Variants in ADGRL2 observed in about 807,000 individuals in gnomAD.
The protein encoded by ADGRL2 is adhesion G protein-coupled receptor L2.
In ADGRL2, 44 loss-of-function variants were observed where a neutral mutation model predicts 157.4. That is an observed-to-expected ratio of 0.28 (90% CI 0.22 to 0.36). The LOEUF is 0.36. Ranked by LOEUF, ADGRL2 falls within the 10% of genes least tolerant of loss-of-function variation. ADGRL2 has a pLI of 1.00. For synonymous variants in ADGRL2, 585 were observed against 624.7 expected, an observed-to-expected ratio of 0.94 and a Z score of 0.95; for missense variants, 1,510 against 1,768.9, an observed-to-expected ratio of 0.85 and a Z score of 2.63.
rs549629463 is a variant in ADGRL2, at chr1:81,384,989, C to A, written c.-301-60047C>A. Among the ~76,000 whole-genome samples the A allele has an allele frequency of 9.2e-5, 14 of 152,272 alleles. No individual in the cohort carries two copies. In the East Asian group the frequency reaches 2.3e-3, roughly 25 times the overall value. On this transcript the variant is annotated intron_variant, in intron 1 of 24. Coordinates refer to the ADGRL2 transcript ENST00000370721. The stretch of plus-strand genomic sequence containing the variant: ...TTTGAACACCATTACCTAATTGCCA[C>A]CATAACCTTCACAGTTGTCCAACCA...
At chr1:81,532,478 GAAT>G (rs762615477) in intron 2 of ADGRL2, among the ~76,000 whole-genome samples, 9 of 151,252 alleles carry the variant, frequency 6.0e-5, no homozygotes, top group Non-Finnish European at 1.3e-4. Flanking sequence ...AAGCTTTTAT[GAAT>G]AATATCTGAG....
intron 2 of ADGRL2, among the ~76,000 whole-genome samples, chr1:81,880,045 A>G: frequency 6.6e-6 from 1 of 152,204 alleles, no homozygotes; most frequent in South Asian, 2.1e-4. Context: ...TAAATAAATA[A>G]GTTGTATTTT....
At chr1:81,940,283 G>C (rs555245046) in intron 4 of ADGRL2, among the ~76,000 whole-genome samples, 3 of 151,402 alleles carry the variant, frequency 2.0e-5, no homozygotes, top group Non-Finnish European at 4.4e-5. Flanking sequence ...ATAAATTGTA[G>C]TTTGAGTAGT....
intron 1 of ADGRL2, among the ~76,000 whole-genome samples, chr1:81,358,193 G>A (rs1663454597): frequency 6.6e-6 from 1 of 152,210 alleles, no homozygotes; most frequent in African/African-American, 2.4e-5. Flanking sequence ...GTAGATTTTA[G>A]ACTTTTTAAA....
chr1:81,530,154 G>A, intron 2 of ADGRL2, among the ~76,000 whole-genome samples: 1 of 152,066 alleles, frequency 6.6e-6, no homozygotes, highest in East Asian at 1.9e-4. Flanking sequence ...CTAGCACCTG[G>A]TAGTGACAGG....
intron 2 of ADGRL2, among the ~76,000 whole-genome samples, chr1:81,847,034 T>C (rs1225284896): frequency 6.6e-6 from 1 of 151,438 alleles, no homozygotes; most frequent in Non-Finnish European, 1.5e-5. Context: ...TTGGTAGATA[T>C]GTTGAATACC....
At chr1:81,696,895 T>C (rs2083457951), upstream of ADGRL2, among the ~76,000 whole-genome samples, 1 of 152,090 alleles carries the variant, frequency 6.6e-6, no homozygotes, top group Non-Finnish European at 1.5e-5. Flanking sequence ...CTGTAGACAA[T>C]CATTAAAATA....
At chr1:81,519,506 A>G (rs2079260932) in intron 2 of ADGRL2, among the ~76,000 whole-genome samples, 1 of 152,252 alleles carries the variant, frequency 6.6e-6, no homozygotes, top group South Asian at 2.1e-4. Flanking sequence ...TTAAAGTTAT[A>G]TATAATAGCC....
At chr1:81,767,417 G>A (rs1172010022) in intron 2 of ADGRL2, among the ~76,000 whole-genome samples, 1 of 152,082 alleles carries the variant, frequency 6.6e-6, no homozygotes, top group Non-Finnish European at 1.5e-5. Flanking sequence ...GGCAATATCT[G>A]CAAACATTTT....
rs548206430 is a variant in ADGRL2 at position 81,477,511 on chromosome 1, A to G, written c.-248+32422A>G. 9.8e-5 allele frequency among the ~76,000 whole-genome samples: 15 copies of G among 152,348 alleles called. No individual in the cohort carries two copies. The South Asian group carries it at 2.9e-3, about 29-fold the overall frequency. The stretch of plus-strand genomic sequence containing the variant: ...AAGAAACAAGTTTCCTGGCAAAGTG[A>G]CGGCTTCCAACACAGGACAGTTGCA... On this transcript the variant is annotated intron_variant, in intron 2 of 24. Coordinates refer to the ADGRL2 transcript ENST00000370721.
At chr1:81,423,131 T>C (rs919300437) in intron 1 of ADGRL2, among the ~76,000 whole-genome samples, 3 of 152,212 alleles carry the variant, frequency 2.0e-5, no homozygotes, top group African/African-American at 7.2e-5. Context: ...CAGTGTGTCA[T>C]GTTTTAGAAG....
intron 1 of ADGRL2, among the ~76,000 whole-genome samples, chr1:81,376,611 C>T (rs2076255256): frequency 6.6e-6 from 1 of 151,590 alleles, no homozygotes; most frequent in African/African-American, 2.4e-5. Context: ...TTCCTCCCAT[C>T]CCTCTCTCCC....
intron 2 of ADGRL2, among the ~76,000 whole-genome samples, chr1:81,889,601 T>C (rs1169245192): frequency 6.6e-6 from 1 of 152,224 alleles, no homozygotes; most frequent in Non-Finnish European, 1.5e-5. Flanking sequence ...AGTGTTGATA[T>C]AGAAGCTGCA....
intron 3 of ADGRL2, among the ~76,000 whole-genome samples, chr1:81,655,067 TG>T (rs1171960358): frequency 6.6e-6 from 1 of 152,174 alleles, no homozygotes; most frequent in Non-Finnish European, 1.5e-5. Flanking sequence ...CCCCCTGCGA[TG>T]GGGGTCCTAA....
chr1:81,409,434 T>C (rs2076912400), intron 1 of ADGRL2, among the ~76,000 whole-genome samples: 1 of 152,174 alleles, frequency 6.6e-6, no homozygotes, highest in African/African-American at 2.4e-5. Flanking sequence ...ACAGTATAGC[T>C]CTAAAATTCA....
At chr1:81,546,638 T>C (rs1394708097) in intron 2 of ADGRL2, among the ~76,000 whole-genome samples, 1 of 152,244 alleles carries the variant, frequency 6.6e-6, no homozygotes, top group Non-Finnish European at 1.5e-5. Flanking sequence ...GTTATTTCTG[T>C]TACATTGTTG....
At chr1:81,968,949 T>TA (rs1657924248) in intron 14 of ADGRL2, among the ~76,000 whole-genome samples, 1 of 152,210 alleles carries the variant, frequency 6.6e-6, no homozygotes, top group African/African-American at 2.4e-5. Context: ...GTTTTCTAGG[T>TA]AAAATCTTCC....
At chr1:81,888,674 G>A (rs893611491) in intron 2 of ADGRL2, among the ~76,000 whole-genome samples, 17 of 152,006 alleles carry the variant, frequency 1.1e-4, no homozygotes, top group Non-Finnish European at 1.6e-4. Context: ...GGATGTTCTC[G>A]ATCTCCTGAC....
At chr1:81,853,254 T>C (rs981200232) in intron 2 of ADGRL2, among the ~76,000 whole-genome samples, 1 of 152,156 alleles carries the variant, frequency 6.6e-6, no homozygotes, top group Non-Finnish European at 1.5e-5. Flanking sequence ...GTGCCAGGAA[T>C]AGTTTTATTT....
Sources: allele counts gnomAD v4.1 joint callset (sites outside exome capture counted in the v4.1 genomes callset), GRCh38; gene constraint gnomAD v4.1.1; transcripts MANE v1.5; gene names NCBI Gene and HGNC (gene_info 2026-07-23, HGNC 2026-07-21).